Variants in ST6GALNAC3 observed in about 807,000 individuals in gnomAD.
ST6GALNAC3 encodes alpha-N-acetylgalactosaminide alpha-2,6-sialyltransferase 3.
Under a neutral mutation model 32.7 loss-of-function variants are expected in ST6GALNAC3, and 25 were observed. That is an observed-to-expected ratio of 0.76 (90% CI 0.56 to 1.07). The LOEUF (loss-of-function observed/expected upper bound fraction) is 1.07, where lower values mean the gene tolerates loss of function less well. Ranked by LOEUF, ST6GALNAC3 falls within the 50% of genes least tolerant of loss-of-function variation. ST6GALNAC3 has a pLI of 0.00. For missense variants in ST6GALNAC3, 355 were observed against 382.4 expected (o/e 0.93, Z 0.60); for synonymous variants, 129 against 133.1 (o/e 0.97, Z 0.21).
At chr1:76,485,680 G>C (rs1660060186) in intron 3 of ST6GALNAC3, among the ~76,000 whole-genome samples, 1 of 152,084 alleles carries the variant, frequency 6.6e-6, no homozygotes, top group Non-Finnish European at 1.5e-5. Flanking sequence ...CTAGCTCCTG[G>C]ATTCATTGAT....
intron 1 of ST6GALNAC3, among the ~76,000 whole-genome samples, chr1:76,187,086 C>T (rs774497379): frequency 6.6e-5 from 10 of 152,218 alleles, no homozygotes; most frequent in African/African-American, 1.7e-4. Context: ...GTTTTAGTTC[C>T]GGCATTGGTT....
intron 3 of ST6GALNAC3, among the ~76,000 whole-genome samples, chr1:76,443,414 A>G (rs1656753328): frequency 6.6e-6 from 1 of 152,214 alleles, no homozygotes; most frequent in Non-Finnish European, 1.5e-5. Flanking sequence ...GGGACAGCTT[A>G]AGATAAACAG....
chr1:76,272,733 C>T (rs1557743071), intron 1 of ST6GALNAC3, among the ~76,000 whole-genome samples: 1 of 152,194 alleles, frequency 6.6e-6, no homozygotes, highest in Non-Finnish European at 1.5e-5. Context: ...GTCCCAGCCA[C>T]CCCCAAAGAA....
chr1:76,138,200 G>C (rs1650068365), intron 1 of ST6GALNAC3, among the ~76,000 whole-genome samples: 1 of 152,036 alleles, frequency 6.6e-6, no homozygotes, highest in Non-Finnish European at 1.5e-5. Context: ...TCATTTTTTT[G>C]ATAAACATGA....
At chr1:76,223,430 C>T (rs561701262) in intron 1 of ST6GALNAC3, among the ~76,000 whole-genome samples, 16 of 152,072 alleles carry the variant, frequency 1.1e-4, no homozygotes, top group East Asian at 3.9e-4. Context: ...GAGAGAGGAT[C>T]GAAAAACTAC....
At chr1:76,145,074 C>G (rs1036483233) in intron 1 of ST6GALNAC3, among the ~76,000 whole-genome samples, 3 of 152,224 alleles carry the variant, frequency 2.0e-5, no homozygotes, top group Non-Finnish European at 4.4e-5. Flanking sequence ...CCAGGCTTGT[C>G]TAAGAATTCT....
chr1:76,152,777 TG>T (rs141446357), intron 1 of ST6GALNAC3, among the ~76,000 whole-genome samples: 2,258 of 152,336 alleles, frequency 0.015, 56 homozygotes, highest in African/African-American at 0.051. Flanking sequence ...TTTCCCATCA[TG>T]GGATCAGCCA....
At chr1:76,226,988 G>A (rs996549358) in intron 1 of ST6GALNAC3, among the ~76,000 whole-genome samples, 1 of 152,298 alleles carries the variant, frequency 6.6e-6, no homozygotes, top group East Asian at 1.9e-4. Flanking sequence ...ATGATAAAAA[G>A]AGAAATATTT....
chr1:76,430,923 C>A (rs552307491), intron 3 of ST6GALNAC3, among the ~76,000 whole-genome samples: 2 of 152,206 alleles, frequency 1.3e-5, no homozygotes, highest in South Asian at 2.1e-4. Context: ...GATTTCTGAG[C>A]CTTCTGCTTA....
At chr1:76,463,422 A>G (rs572961978) in intron 3 of ST6GALNAC3, among the ~76,000 whole-genome samples, 1 of 152,292 alleles carries the variant, frequency 6.6e-6, no homozygotes, top group South Asian at 2.1e-4. Flanking sequence ...TTGACTTCAC[A>G]TGCCAAACTT....
intron 1 of ST6GALNAC3, among the ~76,000 whole-genome samples, chr1:76,094,391 G>T (rs1009320922): frequency 2.6e-5 from 4 of 152,206 alleles, no homozygotes; most frequent in African/African-American, 9.7e-5. Context: ...ATAATAGCTA[G>T]CATTTATTGA....
At chr1:76,430,339 AGTTTCTTTTATCTGGCATTCTT>A (rs1245067520) in intron 3 of ST6GALNAC3, among the ~76,000 whole-genome samples, 1 of 152,058 alleles carries the variant, frequency 6.6e-6, no homozygotes, top group African/African-American at 2.4e-5. Context: ...CATTGCCTTT[AGTTTCTTTTATCTGGCATTCTT>A]GTCCCTCAAA....
intron 1 of ST6GALNAC3, among the ~76,000 whole-genome samples, chr1:76,178,903 G>A (rs2631778): frequency 0.13 from 19,496 of 152,168 alleles, 1,625 homozygotes; most frequent in Non-Finnish European, 0.19. Flanking sequence ...TGTCTTCCTT[G>A]TCTACTACTG....
chr1:76,457,544 C>G (rs1261797611), intron 3 of ST6GALNAC3, among the ~76,000 whole-genome samples: 5 of 151,982 alleles, frequency 3.3e-5, no homozygotes, highest in Admixed American at 3.3e-4. Flanking sequence ...AGATATAGAT[C>G]AATGGAACAC....
At position 76,183,988 on chromosome 1, in the gene ST6GALNAC3, T is replaced by A. The variant is rs944224748; in HGVS notation, c.18+109104T>A. Among the ~76,000 whole-genome samples the A allele has an allele frequency of 5.3e-5, 8 of 151,566 alleles. No homozygotes were observed. In the East Asian group the frequency reaches 1.4e-3, roughly 26 times the overall value. On this transcript the variant is annotated intron_variant, in intron 1 of 4. Coordinates refer to ENST00000328299, the MANE Select transcript of ST6GALNAC3 (RefSeq NM_152996.4). ...TTCAGTCATGTGAAGTTACGCCTAC[T>A]GATACGTGTATTAGTCTATCTTGTT...
chr1:76,182,450 T>C (rs1403531267), intron 1 of ST6GALNAC3, among the ~76,000 whole-genome samples: 1 of 152,208 alleles, frequency 6.6e-6, no homozygotes, highest in African/African-American at 2.4e-5. Flanking sequence ...AAACTTTTCA[T>C]AAGAATGACT....
At chr1:76,500,691 T>G (rs903779282) in intron 3 of ST6GALNAC3, among the ~76,000 whole-genome samples, 2 of 152,170 alleles carry the variant, frequency 1.3e-5, no homozygotes, top group South Asian at 2.1e-4. Context: ...ACAATAATCT[T>G]TAGTTCAAAA....
chr1:76,153,427 G>T (rs780069884), intron 1 of ST6GALNAC3, among the ~76,000 whole-genome samples: 5 of 152,140 alleles, frequency 3.3e-5, no homozygotes, highest in African/African-American at 4.8e-5. Context: ...AGCCTCTGGG[G>T]AGATGTCTCA....
intron 1 of ST6GALNAC3, among the ~76,000 whole-genome samples, chr1:76,188,777 A>C (rs1653727712): frequency 6.6e-6 from 1 of 152,236 alleles, no homozygotes; most frequent in Non-Finnish European, 1.5e-5. Context: ...GTGGATCATG[A>C]TAAAGGTCTT....
Sources: allele counts gnomAD v4.1 joint callset (sites outside exome capture counted in the v4.1 genomes callset), GRCh38; gene constraint gnomAD v4.1.1; transcripts MANE v1.5; gene names NCBI Gene and HGNC (gene_info 2026-07-23, HGNC 2026-07-21).